EXOC4: variants seen among roughly 807,000 people sequenced by gnomAD.
EXOC4 encodes the protein SEC8-like 1.
In EXOC4, 71 loss-of-function variants were observed where a neutral mutation model predicts 107.2. That is an observed-to-expected ratio of 0.66 (90% confidence interval 0.55 to 0.81). The LOEUF (loss-of-function observed/expected upper bound fraction) is 0.81, where lower values mean the gene tolerates loss of function less well. Ranked by LOEUF, EXOC4 falls within the 30% of genes least tolerant of loss-of-function variation. EXOC4 has a pLI of 0.00. For missense variants in EXOC4, 1,108 were observed against 1,189.6 expected (o/e 0.93, Z 1.01); for synonymous variants, 456 against 441.2 (o/e 1.03, Z -0.42).
In EXOC4 at chr7:133,374,898, C is replaced by A. The variant is rs546077707; in HGVS notation, c.1078C>A (p.Leu360Met). 7.4e-6 allele frequency: 12 copies of A among 1,613,956 alleles called. No individual in the cohort carries two copies. Among genetic ancestry groups the A allele is most frequent in the East Asian group, 4.5e-5 (2 of 44,874 alleles). The change falls in exon 7 of 18, where the codon CTG (leucine) becomes ATG (methionine). Residue 360 changes from leucine (L) to methionine (M), a missense_variant. Coordinates refer to ENST00000253861, the MANE Select transcript of EXOC4 (RefSeq NM_021807.4). The part of the protein sequence containing the change: ...NAVAAAHSVV[L>M]GYLQDTVVTP... Reference sequence around the variant, plus strand: ...TGTAGCCGCTGCACACTCTGTGGTCCTGGGATACCTGCAGGACACTGTAGT... The same window carrying A: ...TGTAGCCGCTGCACACTCTGTGGTCATGGGATACCTGCAGGACACTGTAGT...
At chr7:133,729,773 A>G (rs946037132) in intron 10 of EXOC4, among the ~76,000 whole-genome samples, 2 of 152,080 alleles carry the variant, frequency 1.3e-5, no homozygotes, top group Non-Finnish European at 2.9e-5. Flanking sequence ...AAAAGTATTG[A>G]AATAGTCATA....
intron 10 of EXOC4, among the ~76,000 whole-genome samples, chr7:133,795,030 T>C (rs1480308013): frequency 6.6e-6 from 1 of 151,644 alleles, no homozygotes; most frequent in East Asian, 2.0e-4. Flanking sequence ...CTACCCATTA[T>C]GCATGTGTTC....
intron 4 of EXOC4, among the ~76,000 whole-genome samples, chr7:133,309,631 C>G (rs1336111094): frequency 6.6e-6 from 1 of 152,028 alleles, no homozygotes; most frequent in African/African-American, 2.4e-5. Flanking sequence ...AGAATATCAG[C>G]TAAAAACCAT....
At chr7:133,490,817 G>A (rs188695331) in intron 9 of EXOC4, among the ~76,000 whole-genome samples, 125 of 152,234 alleles carry the variant, frequency 8.2e-4, no homozygotes, top group Non-Finnish European at 1.1e-3. Flanking sequence ...TCACATACAG[G>A]ATTTTCCGAG....
At chr7:133,524,919 A>G (rs1414690430) in intron 9 of EXOC4, among the ~76,000 whole-genome samples, 1 of 152,196 alleles carries the variant, frequency 6.6e-6, no homozygotes, top group Middle Eastern at 3.2e-3. Flanking sequence ...AATATCTCTT[A>G]TATAGAGATC....
At chr7:133,729,435 G>A (rs1042790450) in intron 10 of EXOC4, among the ~76,000 whole-genome samples, 4 of 152,026 alleles carry the variant, frequency 2.6e-5, no homozygotes, top group Admixed American at 2.6e-4. Flanking sequence ...TACAAATCTT[G>A]CAAACTGCTT....
At chr7:133,801,692 C>T (rs2542270) in intron 10 of EXOC4, among the ~76,000 whole-genome samples, 150,268 of 152,282 alleles carry the variant, frequency 0.99, 74,182 homozygotes, top group Middle Eastern at 1. Context: ...ACTTCTGTCA[C>T]TGAAGAACTC....
chr7:133,724,151 T>A (rs1472396359), intron 10 of EXOC4, among the ~76,000 whole-genome samples: 1 of 152,234 alleles, frequency 6.6e-6, no homozygotes, highest in Non-Finnish European at 1.5e-5. Flanking sequence ...GACTAATCAA[T>A]GGTAAGTTTA....
intron 7 of EXOC4, among the ~76,000 whole-genome samples, chr7:133,453,076 C>T (rs1350004846): frequency 1.3e-5 from 2 of 152,054 alleles, no homozygotes; most frequent in Non-Finnish European, 2.9e-5. Context: ...ATGAACGAGG[C>T]ATTAAAAGAG....
chr7:134,066,155 A>C (rs560936951), downstream of EXOC4: 2 of 152,484 alleles, frequency 1.3e-5, no homozygotes, highest in African/African-American at 4.8e-5. Context: ...CAGGAGTGGA[A>C]GAAGGGGGGA....
intron 14 of EXOC4, among the ~76,000 whole-genome samples, chr7:133,960,033 A>G (rs148012234): frequency 5.9e-4 from 90 of 152,324 alleles, no homozygotes; most frequent in African/African-American, 2.1e-3. Context: ...AGTTACGGAA[A>G]GAGAAAGATC....
intron 11 of EXOC4, among the ~76,000 whole-genome samples, chr7:133,853,274 T>C (rs1334895981): frequency 2.0e-5 from 3 of 152,052 alleles, no homozygotes; most frequent in African/African-American, 7.2e-5. Context: ...TCTTTGTTTC[T>C]TTCTGTTTGT....
At chr7:133,586,724 A>G (rs1377490601) in intron 9 of EXOC4, among the ~76,000 whole-genome samples, 1 of 152,226 alleles carries the variant, frequency 6.6e-6, no homozygotes, top group African/African-American at 2.4e-5. Flanking sequence ...AACACATGAC[A>G]TACTCATAGT....
intron 7 of EXOC4, among the ~76,000 whole-genome samples, chr7:133,379,889 A>C (rs1159073030): frequency 2.0e-5 from 3 of 152,204 alleles, no homozygotes; most frequent in East Asian, 1.9e-4. Flanking sequence ...TGAACTAAGC[A>C]ACTTTAAATT....
chr7:133,287,919 C>T lies in EXOC4; in HGVS notation c.277-1003C>T, dbSNP rs180970251. On this transcript the variant is annotated intron_variant, in intron 2 of 17. Coordinates refer to ENST00000253861, the MANE Select transcript of EXOC4 (RefSeq NM_021807.4). ...TACCAAAAATACGGTAGACTCTTTGCACTGATGGACATGTCCCATGTATTG... is the reference window on the plus strand; with the variant it reads ...TACCAAAAATACGGTAGACTCTTTGTACTGATGGACATGTCCCATGTATTG... Among the ~76,000 whole-genome samples the T allele has an allele frequency of 3.0e-3, 457 of 152,272 alleles. 3 individuals carry two copies. The highest frequency in any genetic ancestry group is 0.01 in the African/African-American group (427 of 41,554).
Position 133,253,197 on chromosome 7 carries a change from G to T in EXOC4, c.86+10G>T. ...TCATCTCTGTGATCAGGTGAGGGAGGCAGGAGGCAGGGTCTGGGGACTGGG... is the reference window on the plus strand; with the variant it reads ...TCATCTCTGTGATCAGGTGAGGGAGTCAGGAGGCAGGGTCTGGGGACTGGG... On this transcript the variant is annotated intron_variant, in intron 1 of 17. Coordinates refer to ENST00000253861, the MANE Select transcript of EXOC4 (RefSeq NM_021807.4). The T allele has an allele frequency of 6.2e-7, 1 of 1,613,068 alleles. No homozygotes were observed. Among genetic ancestry groups the T allele is most frequent in the Middle Eastern group, 1.7e-4 (1 of 6,036 alleles).
chr7:133,594,639 G>A (rs1801624539), intron 9 of EXOC4, among the ~76,000 whole-genome samples: 1 of 151,846 alleles, frequency 6.6e-6, no homozygotes, highest in Non-Finnish European at 1.5e-5. Context: ...GACTACAGGT[G>A]CATGCCACCA....
chr7:134,044,344 TA>T (rs1795594327), intron 17 of EXOC4, among the ~76,000 whole-genome samples: 1 of 152,206 alleles, frequency 6.6e-6, no homozygotes, highest in Admixed American at 6.5e-5. Flanking sequence ...ATTAGGAGAC[TA>T]ATTCTGAAGG....
chr7:133,321,343 A>G (rs1795107152), intron 5 of EXOC4, among the ~76,000 whole-genome samples: 2 of 151,884 alleles, frequency 1.3e-5, no homozygotes, highest in Admixed American at 6.6e-5. Context: ...TTACATAGGT[A>G]TACACGTGCC....
Sources: allele counts gnomAD v4.1 joint callset (sites outside exome capture counted in the v4.1 genomes callset), GRCh38; gene constraint gnomAD v4.1.1; transcripts MANE v1.5; gene names NCBI Gene and HGNC (gene_info 2026-07-23, HGNC 2026-07-21).